Variants in CPA6 observed in about 807,000 individuals in gnomAD.
CPA6 encodes the protein carboxypeptidase B.
A neutral mutation model predicts 63.3 loss-of-function variants in CPA6; 58 were observed. That is an observed-to-expected ratio of 0.92 (90% CI 0.74 to 1.14). The LOEUF (loss-of-function observed/expected upper bound fraction) is 1.14, where lower values mean the gene tolerates loss of function less well. Among genes scored for constraint, CPA6 ranks in the 50% most tolerant of loss-of-function variants. The pLI is 0.00. For synonymous variants in CPA6, 185 were observed against 179.0 expected, an observed-to-expected ratio of 1.03 and a Z score of -0.27; for missense variants, 565 against 526.6, an observed-to-expected ratio of 1.07 and a Z score of -0.71.
At chr8:67,560,596 T>G in intron 2 of CPA6, among the ~76,000 whole-genome samples, 1 of 152,138 alleles carries the variant, frequency 6.6e-6, no homozygotes, top group South Asian at 2.1e-4. Context: ...ATTCTCATTC[T>G]TTTCTCTTCC....
chr8:67,535,395 C>A (rs1812563898), intron 2 of CPA6, among the ~76,000 whole-genome samples: 1 of 152,152 alleles, frequency 6.6e-6, no homozygotes, highest in South Asian at 2.1e-4. Flanking sequence ...CAATGATCAC[C>A]ATTCTAACTG....
intron 1 of CPA6, among the ~76,000 whole-genome samples, chr8:67,739,870 T>C (rs1370029591): frequency 6.6e-6 from 1 of 152,148 alleles, no homozygotes; most frequent in Non-Finnish European, 1.5e-5. Flanking sequence ...GACTAGAGAA[T>C]GGCAGATCAG....
intron 1 of CPA6, among the ~76,000 whole-genome samples, chr8:67,625,362 A>G (rs1426163764): frequency 1.3e-5 from 2 of 152,200 alleles, no homozygotes; most frequent in Non-Finnish European, 1.5e-5. Flanking sequence ...AACACAATAT[A>G]AGGTTCTTTC....
chr8:67,737,498 T>C (rs1431929678), intron 1 of CPA6, among the ~76,000 whole-genome samples: 1 of 152,214 alleles, frequency 6.6e-6, no homozygotes, highest in Admixed American at 6.5e-5. Flanking sequence ...TCTGGCCTTC[T>C]GTCCATTCTT....
At chr8:67,696,865 G>A (rs190168513) in intron 1 of CPA6, among the ~76,000 whole-genome samples, 2 of 152,178 alleles carry the variant, frequency 1.3e-5, no homozygotes, top group Non-Finnish European at 2.9e-5. Flanking sequence ...ACTGGAAAAG[G>A]GCCCTGTGAT....
chr8:67,501,610 AGCTAT>A (rs1298240620), intron 6 of CPA6, among the ~76,000 whole-genome samples: 1 of 152,148 alleles, frequency 6.6e-6, no homozygotes, highest in Non-Finnish European at 1.5e-5. Flanking sequence ...AATCTCACTT[AGCTAT>A]GGTATATAAT....
intron 2 of CPA6, among the ~76,000 whole-genome samples, chr8:67,585,119 C>A (rs138741991): frequency 6.0e-4 from 91 of 151,946 alleles, no homozygotes; most frequent in African/African-American, 2.1e-3. Flanking sequence ...GATCAGGTAA[C>A]GAATAGTGCT....
chr8:67,468,134 T>C (rs566370758), intron 8 of CPA6, among the ~76,000 whole-genome samples: 2 of 152,224 alleles, frequency 1.3e-5, no homozygotes, highest in South Asian at 4.2e-4. Flanking sequence ...ACATTTCCAC[T>C]AAAATACCCC....
At chr8:67,517,420 T>A (rs1318895028) in intron 3 of CPA6, among the ~76,000 whole-genome samples, 1 of 152,178 alleles carries the variant, frequency 6.6e-6, no homozygotes, top group African/African-American at 2.4e-5. Flanking sequence ...CAAGACTAGG[T>A]CTGAGCTCCT....
Position 67,484,676 on chromosome 8 carries a change from T to G in CPA6, c.747+3A>C, listed in dbSNP as rs1366330262. 1 of 1,484,308 alleles carries G rather than the reference T, an allele frequency of 6.7e-7. No individual in the cohort carries two copies. Among genetic ancestry groups the G allele is most frequent in the East Asian group, 2.3e-5 (1 of 44,190 alleles). The allele number at this position is 1,484,308 out of a possible 1,614,324, so 91.9% of individuals were successfully genotyped here. ...TTTCAACTGGGTAGGCAAAGTGACT[T>G]ACATTGGTCCAACTAAAATGGTATC... On this transcript the variant is annotated splice_donor_region_variant and intron_variant, in intron 7 of 10. Coordinates refer to ENST00000297770, the MANE Select transcript of CPA6 (RefSeq NM_020361.5).
chr8:67,488,529 A>G (rs1470690058), intron 6 of CPA6, among the ~76,000 whole-genome samples: 6 of 152,134 alleles, frequency 3.9e-5, no homozygotes, highest in Non-Finnish European at 5.9e-5. Flanking sequence ...TTGTCTTGGC[A>G]ACGTGGGCTC....
chr8:67,591,039 A>C (rs963632184), intron 2 of CPA6, among the ~76,000 whole-genome samples: 1 of 150,954 alleles, frequency 6.6e-6, no homozygotes, highest in African/African-American at 2.4e-5. Context: ...TAAGTCTTTA[A>C]TCCATCTTGA....
Position 67,665,047 on chromosome 8 carries a change from T to G in CPA6, c.117-40796A>C, listed in dbSNP as rs144492632. ...CCCAAGCAACTTTTCTTCTTACTTC[T>G]GAAGTTAAAACTGCTTACGCTTCTG... is the stretch of plus-strand genomic sequence containing the variant. On this transcript the variant is annotated intron_variant, in intron 1 of 10. Transcript: ENST00000297770. Among the ~76,000 whole-genome samples the G allele has an allele frequency of 3.3e-5, 5 of 152,280 alleles. No individual in the cohort carries two copies. In the East Asian group the frequency reaches 9.6e-4, roughly 29 times the overall value.
intron 10 of CPA6, among the ~76,000 whole-genome samples, chr8:67,424,947 G>A (rs2128950725): frequency 1.3e-5 from 2 of 152,312 alleles, no homozygotes; most frequent in Middle Eastern, 6.8e-3. Context: ...GGAACTAGAG[G>A]TAGCCTGCAG....
chr8:67,469,548 A>G (rs181565193), intron 8 of CPA6, among the ~76,000 whole-genome samples: 1 of 152,230 alleles, frequency 6.6e-6, no homozygotes, highest in East Asian at 1.9e-4. Flanking sequence ...AGAGGTTGCA[A>G]TGAGGTGAGA....
intron 1 of CPA6, among the ~76,000 whole-genome samples, chr8:67,697,217 T>C (rs1168135991): frequency 6.6e-6 from 1 of 152,222 alleles, no homozygotes; most frequent in Non-Finnish European, 1.5e-5. Flanking sequence ...CTCCCAGGGA[T>C]GGCAAACTCC....
chr8:67,590,504 C>A (rs893170193), intron 2 of CPA6, among the ~76,000 whole-genome samples: 53 of 151,034 alleles, frequency 3.5e-4, no homozygotes, highest in African/African-American at 1.3e-3. Context: ...ACGGTCCCAC[C>A]AACAGTGTAA....
At chr8:67,711,582 G>A (rs1377581519) in intron 1 of CPA6, among the ~76,000 whole-genome samples, 3 of 152,062 alleles carry the variant, frequency 2.0e-5, no homozygotes, top group African/African-American at 7.2e-5. Flanking sequence ...GGGGTGGGAT[G>A]GGAGACAGGC....
chr8:67,629,356 A>G (rs936285581), intron 1 of CPA6, among the ~76,000 whole-genome samples: 1 of 151,368 alleles, frequency 6.6e-6, no homozygotes, highest in Non-Finnish European at 1.5e-5. Flanking sequence ...TGGCACATAC[A>G]TATAGTCCCA....
Sources: allele counts gnomAD v4.1 joint callset (sites outside exome capture counted in the v4.1 genomes callset), GRCh38; gene constraint gnomAD v4.1.1; transcripts MANE v1.5; gene names NCBI Gene and HGNC (gene_info 2026-07-23, HGNC 2026-07-21).